The following SLC23A2 variants were observed in gnomAD, a reference collection of about 807,000 sequenced individuals.
The protein encoded by SLC23A2 is solute carrier family 23 member 2.
A neutral mutation model predicts 73.3 loss-of-function variants in SLC23A2; 36 were observed. The observed-to-expected ratio is 0.49, with a 90% CI of 0.38 to 0.65. The LOEUF is 0.65. Among genes scored for constraint, SLC23A2 ranks in the 30% least tolerant of loss-of-function variants. SLC23A2 has a pLI of 0.00. For synonymous variants in SLC23A2, 343 were observed against 327.3 expected (o/e 1.05, Z -0.52); for missense variants, 507 against 841.6 (o/e 0.60, Z 4.92).
chr20:4,883,497 T>C lies in SLC23A2; in HGVS notation c.824+145A>G. On this transcript the variant is annotated intron_variant, in intron 9 of 16. Transcript: ENST00000338244. This position sits in a 1 kb window ranked among gnomAD's most constrained non-coding sequence, Gnocchi z 4.5. ...TTCCCAAACTCTGGGTCAAAAACCC[T>C]TCAACTATTCCCCAGCACGAAGCAA... 1.6e-6 allele frequency: 1 copy of C among 629,646 alleles called. No individual in the cohort carries two copies. Among genetic ancestry groups the C allele is most frequent in the East Asian group, 2.9e-5 (1 of 34,290 alleles). The allele number at this position is 629,646 out of a possible 1,614,324, so 39.0% of individuals were successfully genotyped here. A position where few individuals can be genotyped will look rare whatever the true frequency, so the allele number is the denominator to read the frequency against.
chr20:4,877,508 T>C (rs902703315), intron 9 of SLC23A2, among the ~76,000 whole-genome samples: 7 of 152,218 alleles, frequency 4.6e-5, no homozygotes, highest in African/African-American at 1.7e-4. Flanking sequence ...TTTGTACTTA[T>C]TTGCATAAAA....
rs1342412813 is a variant in SLC23A2, at chr20:4,857,620, C to T, written c.1721-416G>A. Among the ~76,000 whole-genome samples, 1 of 152,070 alleles carries T rather than the reference C, an allele frequency of 6.6e-6. No homozygotes were observed. The highest frequency in any genetic ancestry group is 2.4e-5 in the African/African-American group (1 of 41,384). Reference sequence around the variant, plus strand: ...AGTCTTCTGGCTCATCACCTCCTGCCCCAGGTCTGCTCAAAAACTACCTCT... The same window carrying T: ...AGTCTTCTGGCTCATCACCTCCTGCTCCAGGTCTGCTCAAAAACTACCTCT... On this transcript the variant is annotated intron_variant, in intron 16 of 16. Coordinates refer to ENST00000338244, the MANE Select transcript of SLC23A2 (RefSeq NM_005116.6). The surrounding 1 kb of genome is among the most constrained non-coding windows in gnomAD (Gnocchi z 4.0).
rs746378948 is a variant in SLC23A2, at chr20:4,883,628, A to T, written c.824+14T>A. ...CCCCGCAGTGGTGGGATGAGGGGAGATGTTTCCACTTACAGCATGGCAATG... is the reference window on the plus strand; with the variant it reads ...CCCCGCAGTGGTGGGATGAGGGGAGTTGTTTCCACTTACAGCATGGCAATG... On this transcript the variant is annotated intron_variant, in intron 9 of 16. Coordinates refer to ENST00000338244, the MANE Select transcript of SLC23A2 (RefSeq NM_005116.6). The surrounding 1 kb of genome is among the most constrained non-coding windows in gnomAD (Gnocchi z 4.5). 32 of 1,594,742 alleles carry T rather than the reference A, an allele frequency of 2.0e-5. No homozygotes were observed. The highest frequency in any genetic ancestry group is 2.7e-5 in the Non-Finnish European group (32 of 1,168,126).
In SLC23A2 at chr20:4,943,351, T is replaced by A. The variant is rs372087331; in HGVS notation, c.-154-10635A>T. Among the ~76,000 whole-genome samples the A allele has an allele frequency of 1.5e-4, 23 of 151,938 alleles. No homozygotes were observed. The East Asian group carries it at 2.9e-3, about 19-fold the overall frequency. On this transcript the variant is annotated intron_variant, in intron 2 of 16. Transcript: ENST00000338244. ...AATCAGTGGCTCATGTGCTTAAGAC[T>A]CACATGGGAAGCTTATTTAAAATAT...
rs1290937024 is a variant in SLC23A2 at position 4,853,884 on chromosome 20, T to C, written c.*3088A>G. Reference sequence around the variant, plus strand: ...ATGTATCTGTGAATCTACATTTAACTTCCTAATGAGAATGAAAATTGCTTA... The same window carrying C: ...ATGTATCTGTGAATCTACATTTAACCTCCTAATGAGAATGAAAATTGCTTA... On this transcript the variant is annotated 3_prime_UTR_variant, in exon 17 of 17. Transcript: ENST00000338244. 6.6e-6 allele frequency: 1 copy of C among 152,256 alleles called. No homozygotes were observed. The highest frequency in any genetic ancestry group is 1.5e-5 in the Non-Finnish European group (1 of 68,042). 9.4% of individuals were successfully genotyped at this position (152,256 alleles called of 1,614,324 possible). A position where few individuals can be genotyped will look rare whatever the true frequency, so the allele number is the denominator to read the frequency against.
chr20:4,934,820 G>A (rs1211843039), intron 2 of SLC23A2, among the ~76,000 whole-genome samples: 4 of 151,388 alleles, frequency 2.6e-5, no homozygotes, highest in African/African-American at 4.9e-5. Context: ...CCAAGATTGC[G>A]CCATTGTACT....
At chr20:4,970,973 C>T (rs2087551342) in intron 1 of SLC23A2, 54 bp from the exon 2 acceptor site, 1 of 152,144 alleles carries the variant, frequency 6.6e-6, no homozygotes, top group Non-Finnish European at 1.5e-5. Context: ...GCAGGAGGTA[C>T]TCTGCATGAA....
chr20:4,894,979 C>T (rs1931465260), intron 6 of SLC23A2, among the ~76,000 whole-genome samples: 1 of 152,252 alleles, frequency 6.6e-6, no homozygotes, highest in Non-Finnish European at 1.5e-5. Context: ...GGGCCCACCC[C>T]TCAAGGGCAC....
intron 2 of SLC23A2, among the ~76,000 whole-genome samples, chr20:4,942,424 A>G (rs559315384): frequency 3.0e-4 from 45 of 151,924 alleles, no homozygotes; most frequent in Non-Finnish European, 5.7e-4. Context: ...TAAACCTGAC[A>G]GATAAAAAAA....
chr20:4,934,096 C>T (rs1020683356), intron 2 of SLC23A2, among the ~76,000 whole-genome samples: 3 of 152,216 alleles, frequency 2.0e-5, no homozygotes, highest in African/African-American at 2.4e-5. Flanking sequence ...GAGTGGAATA[C>T]GGAGAGCTAG....
chr20:4,988,159 A>G lies in SLC23A2; in HGVS notation c.-282+13247T>C, dbSNP rs186204163. The stretch of plus-strand genomic sequence containing the variant: ...ACTAAAAATACAAAAAAAATTAGCC[A>G]GGCCTGGTGGTGGGCACCTGTAATC... On this transcript the variant is annotated intron_variant, in intron 1 of 16. Coordinates refer to ENST00000338244, the MANE Select transcript of SLC23A2 (RefSeq NM_005116.6). Among the ~76,000 whole-genome samples the G allele has an allele frequency of 0.012, 1,854 of 150,374 alleles. 51 individuals are homozygous for G. The South Asian group carries it at 0.14, about 11-fold the overall frequency.
intron 1 of SLC23A2, among the ~76,000 whole-genome samples, chr20:4,993,062 A>G (rs1258698178): frequency 2.0e-5 from 3 of 151,790 alleles, no homozygotes; most frequent in African/African-American, 7.3e-5. Context: ...GTGGATCACG[A>G]GGTCAGGAGA....
At chr20:5,002,259 C>G (rs1048421114), upstream of SLC23A2, among the ~76,000 whole-genome samples, 1 of 152,180 alleles carries the variant, frequency 6.6e-6, no homozygotes, top group African/African-American at 2.4e-5. Flanking sequence ...CTGGGCCCCA[C>G]CCCCAGAGTT....
chr20:4,966,196 G>C lies in SLC23A2; in HGVS notation c.-155+4597C>G, dbSNP rs186202030. Reference sequence around the variant, plus strand: ...ATTTACTTGTTGAACTGGTTCATGTGCATTTTCCAGGCAACAGAAAATCTA... The same window carrying C: ...ATTTACTTGTTGAACTGGTTCATGTCCATTTTCCAGGCAACAGAAAATCTA... On this transcript the variant is annotated intron_variant, in intron 2 of 16. Coordinates refer to ENST00000338244, the MANE Select transcript of SLC23A2 (RefSeq NM_005116.6). 2.6e-5 allele frequency among the ~76,000 whole-genome samples: 4 copies of C among 152,252 alleles called. No homozygotes were observed. In the East Asian group the frequency reaches 7.7e-4, roughly 29 times the overall value.
intron 1 of SLC23A2, among the ~76,000 whole-genome samples, chr20:4,996,685 CAAAAAAAA>C (rs1555809857): frequency 1.2e-3 from 64 of 54,782 alleles, no homozygotes; most frequent in Non-Finnish European, 1.8e-3. Context: ...GATTCCATCT[CAAAAAAAA>C]AAAAAAAAAA....
At chr20:4,933,266 A>T (rs1156603024) in intron 2 of SLC23A2, among the ~76,000 whole-genome samples, 1 of 152,172 alleles carries the variant, frequency 6.6e-6, no homozygotes, top group Admixed American at 6.5e-5. Context: ...TACATTCCCT[A>T]CATGTGCCCA....
intron 2 of SLC23A2, among the ~76,000 whole-genome samples, chr20:4,957,699 A>G (rs1295357670): frequency 6.6e-6 from 1 of 151,724 alleles, no homozygotes; most frequent in African/African-American, 2.4e-5. Context: ...TCAGGAGTTC[A>G]AGACCAGCCT....
At chr20:4,939,077 AC>A (rs1445734491) in intron 2 of SLC23A2, among the ~76,000 whole-genome samples, 1 of 152,162 alleles carries the variant, frequency 6.6e-6, no homozygotes, top group Non-Finnish European at 1.5e-5. Context: ...CCCCATCTGT[AC>A]AAAAAAAAAT....
At chr20:4,972,009 A>G (rs1043365224) in intron 1 of SLC23A2, among the ~76,000 whole-genome samples, 1 of 152,100 alleles carries the variant, frequency 6.6e-6, no homozygotes, top group African/African-American at 2.4e-5. Context: ...AGGTACACAG[A>G]TGTTTCTTTT....
Sources: allele counts gnomAD v4.1 joint callset (sites outside exome capture counted in the v4.1 genomes callset), GRCh38; gene constraint gnomAD v4.1.1; non-coding constraint Gnocchi (gnomAD v3.1); transcripts MANE v1.5; gene names NCBI Gene and HGNC (gene_info 2026-07-23, HGNC 2026-07-21).